Variants in BIRC6 observed in about 807,000 individuals in gnomAD.
The protein encoded by BIRC6 is baculoviral IAP repeat containing 6, also known as dual E2 ubiquitin-conjugating enzyme/E3 ubiquitin-protein ligase BIRC6.
A neutral mutation model predicts 503.3 loss-of-function variants in BIRC6; 98 were observed. The ratio of observed to expected loss-of-function variants is 0.19; its 90% CI spans 0.17 to 0.23. The LOEUF (loss-of-function observed/expected upper bound fraction) is 0.23. BIRC6 is among the 10% of genes least tolerant of loss of function. The pLI is 1.00. For synonymous variants in BIRC6, 2,240 were observed against 2,078.7 expected (o/e 1.08, Z -2.11); for missense variants, 5,360 against 5,806.0 (o/e 0.92, Z 2.50).
At chr2:32,443,890 G>C (rs1404333205) in intron 20 of BIRC6, among the ~76,000 whole-genome samples, 1 of 152,178 alleles carries the variant, frequency 6.6e-6, no homozygotes, top group African/African-American at 2.4e-5. Context: ...TAACAGATCA[G>C]ATGCCAGAAA....
intron 9 of BIRC6, among the ~76,000 whole-genome samples, chr2:32,411,376 T>A (rs1231903497): frequency 1.3e-5 from 2 of 150,816 alleles, no homozygotes; most frequent in Non-Finnish European, 3.0e-5. Flanking sequence ...TCTCTGTTTT[T>A]CCAATCTAAA....
rs751239848 is a variant in BIRC6 at position 32,515,746 on chromosome 2, T to A, written c.11325T>A (p.Pro3775=). The change falls in exon 55 of 74, where the codon CCT becomes CCA. Residue 3775 remains proline (P), a synonymous_variant. Coordinates refer to ENST00000421745, the MANE Select transcript of BIRC6 (RefSeq NM_016252.4). ...AFFLQCISCH[P]NNQKLMAQVL... The stretch of plus-strand genomic sequence containing the variant: ...TTCTACAGTGCATTTCATGCCATCC[T>A]AATAATCAAAAGCTGATGGCACAGG... 6.3e-7 allele frequency: 1 copy of A among 1,599,022 alleles called. No homozygotes were observed. The highest frequency in any genetic ancestry group is 1.1e-5 in the South Asian group (1 of 90,982).
At chr2:32,610,839 G>GTTC (rs2062822278) in intron 72 of BIRC6, among the ~76,000 whole-genome samples, 1 of 151,944 alleles carries the variant, frequency 6.6e-6, no homozygotes, top group South Asian at 2.1e-4. Context: ...CGGGATCTCA[G>GTTC]TTCACTGCAA....
intron 13 of BIRC6, among the ~76,000 whole-genome samples, chr2:32,435,207 GGCA>G (rs1351058229): frequency 6.6e-6 from 1 of 152,188 alleles, no homozygotes; most frequent in Non-Finnish European, 1.5e-5. Flanking sequence ...GCTTGTACCA[GGCA>G]GCCTAGGGTA....
intron 66 of BIRC6, among the ~76,000 whole-genome samples, chr2:32,579,039 G>A (rs62136336): frequency 0.62 from 75,606 of 121,898 alleles, 23,368 homozygotes; most frequent in African/African-American, 0.68. Context: ...ATATATATAT[G>A]TATACCTAAT....
intron 65 of BIRC6, among the ~76,000 whole-genome samples, chr2:32,571,956 A>C (rs2059943171): frequency 6.6e-6 from 1 of 152,058 alleles, no homozygotes; most frequent in African/African-American, 2.4e-5. Context: ...AAATTTTTAA[A>C]TTTGCCTTAA....
Position 32,518,416 on chromosome 2 carries a change from A to G in BIRC6, c.11493+19A>G. ...ATGTCCAGTGAGTATTTAACACTTA[A>G]TCATTGGCTGTGTATACATGTATTT... On this transcript the variant is annotated intron_variant, in intron 56 of 73. Transcript: ENST00000421745. 1.3e-6 allele frequency: 2 copies of G among 1,596,574 alleles called. No homozygotes were observed. The highest frequency in any genetic ancestry group is 2.3e-5 in the South Asian group (2 of 87,476).
At chr2:32,443,172 T>C (rs942468407) in intron 19 of BIRC6, among the ~76,000 whole-genome samples, 2 of 152,210 alleles carry the variant, frequency 1.3e-5, no homozygotes, top group African/African-American at 4.8e-5. Context: ...ACTGAAACTT[T>C]AGAAATTGAA....
At chr2:32,537,155 TTGGGC>T (rs1284300249) in intron 61 of BIRC6, among the ~76,000 whole-genome samples, 1 of 152,132 alleles carries the variant, frequency 6.6e-6, no homozygotes, top group East Asian at 1.9e-4. Flanking sequence ...TAAGGAGATT[TTGGGC>T]TGAGACGATG....
intron 65 of BIRC6, chr2:32,564,550 G>C (rs1162490965): frequency 6.6e-6 from 1 of 152,200 alleles, no homozygotes; most frequent in Non-Finnish European, 1.5e-5. Context: ...CTGGGTGTGA[G>C]ATGGTATCTC....
chr2:32,372,899 G>A (rs948678968), intron 1 of BIRC6, among the ~76,000 whole-genome samples: 5 of 152,064 alleles, frequency 3.3e-5, no homozygotes, highest in African/African-American at 1.2e-4. Flanking sequence ...TAAATAGAGC[G>A]ACTATAAACT....
intron 59 of BIRC6, chr2:32,527,903 T>C (rs2056408709): frequency 6.6e-6 from 1 of 152,132 alleles, no homozygotes. Flanking sequence ...GAAGAAGACA[T>C]GGTGAAAATG....
Position 32,468,752 on chromosome 2 carries a change from C to T in BIRC6, c.6096C>T (p.Asp2032=), listed in dbSNP as rs757784167. Residue 2032 remains aspartate (D), a synonymous_variant, in exon 29 of 74, where the codon GAC becomes GAT. Coordinates refer to ENST00000421745, the MANE Select transcript of BIRC6 (RefSeq NM_016252.4). ...GTACTATCATCAGATATTTACTGGA[C>T]ACTTTGCTCAGCCTGCTTCATGCTT... The part of the protein sequence containing the change: ...QLRTIIRYLL[D]TLLSLLHASN... 4.4e-6 allele frequency: 7 copies of T among 1,605,570 alleles called. No homozygotes were observed. The highest frequency in any genetic ancestry group is 2.2e-5 in the South Asian group (2 of 90,530).
At chr2:32,502,274 T>TC (rs958970322) in intron 47 of BIRC6, among the ~76,000 whole-genome samples, 4 of 152,162 alleles carry the variant, frequency 2.6e-5, no homozygotes, top group African/African-American at 9.6e-5. Context: ...TTCTTTTTTT[T>TC]CCATTAAAAG....
chr2:32,543,141 T>C (rs2057802959), intron 61 of BIRC6, 100 bp from the exon 62 acceptor site: 5 of 1,280,802 alleles, frequency 3.9e-6, no homozygotes, highest in Non-Finnish European at 5.3e-6. Flanking sequence ...TTAATCCTTA[T>C]AATCCTATAT....
intron 55 of BIRC6, among the ~76,000 whole-genome samples, chr2:32,517,198 G>A (rs903083468): frequency 6.6e-6 from 1 of 151,894 alleles, no homozygotes; most frequent in Non-Finnish European, 1.5e-5. Context: ...AAAATTAGCC[G>A]GGCATGGTGA....
chr2:32,536,548 T>C (rs2057251324), intron 61 of BIRC6, among the ~76,000 whole-genome samples: 1 of 152,222 alleles, frequency 6.6e-6, no homozygotes, highest in African/African-American at 2.4e-5. Context: ...CCCAGCACCA[T>C]TTATTAAATA....
intron 3 of BIRC6, among the ~76,000 whole-genome samples, chr2:32,384,294 A>C (rs1252792678): frequency 6.6e-6 from 1 of 152,228 alleles, no homozygotes; most frequent in African/African-American, 2.4e-5. Flanking sequence ...GTTAGCGTTG[A>C]AAATGAGTCT....
intron 3 of BIRC6, among the ~76,000 whole-genome samples, chr2:32,383,292 C>G (rs1372439092): frequency 6.6e-6 from 1 of 152,148 alleles, no homozygotes; most frequent in Non-Finnish European, 1.5e-5. Context: ...ATCTGCCCAC[C>G]TTGGCCTCCC....
Sources: allele counts gnomAD v4.1 joint callset (sites outside exome capture counted in the v4.1 genomes callset), GRCh38; gene constraint gnomAD v4.1.1; transcripts MANE v1.5; gene names NCBI Gene and HGNC (gene_info 2026-07-23, HGNC 2026-07-21).